Variants in SYNPO2 observed in about 807,000 individuals in gnomAD.
The protein encoded by SYNPO2 is synaptopodin 2, also known as synaptopodin-2.
SYNPO2 carries 56 observed loss-of-function variants against 85.0 expected under a neutral mutation model. The observed-to-expected ratio is 0.66, with a 90% CI of 0.53 to 0.82. SYNPO2 has a LOEUF of 0.82. Ranked by LOEUF, SYNPO2 falls within the 40% of genes least tolerant of loss-of-function variation. The pLI is 0.00. For missense variants in SYNPO2, 1,575 were observed against 1,534.2 expected, an observed-to-expected ratio of 1.03 and a Z score of -0.44; for synonymous variants, 602 against 591.1, an observed-to-expected ratio of 1.02 and a Z score of -0.27.
rs1387570618 is a variant in SYNPO2, at chr4:119,037,808, G to A, written c.3252+5781G>A. 2.0e-5 allele frequency: 5 copies of A among 244,000 alleles called. No homozygotes were observed. The East Asian group carries it at 5.4e-4, about 26-fold the overall frequency. The allele number at this position is 244,000 out of a possible 1,614,324, so 15.1% of individuals were successfully genotyped here. On this transcript the variant is annotated intron_variant, in intron 4 of 4. Transcript: ENST00000307142. ...TTTAATCAGCAGTCCTTGTGAGCTA[G>A]GTATGATCATTATCCCCATTTTATA... is the stretch of plus-strand genomic sequence containing the variant.
intron 4 of SYNPO2, among the ~76,000 whole-genome samples, chr4:119,046,181 T>A (rs1393743316): frequency 1.3e-5 from 2 of 152,122 alleles, no homozygotes; most frequent in African/African-American, 4.8e-5. Flanking sequence ...ATAGTAAAAG[T>A]TTTGTACATT....
At chr4:118,981,089 A>G (rs1363155545) in intron 1 of SYNPO2, among the ~76,000 whole-genome samples, 1 of 152,228 alleles carries the variant, frequency 6.6e-6, no homozygotes, top group African/African-American at 2.4e-5. Flanking sequence ...CTCTGTGCCC[A>G]AGAGCAGTTT....
chr4:118,926,976 A>G (rs1026675034), intron 1 of SYNPO2, among the ~76,000 whole-genome samples: 5 of 152,126 alleles, frequency 3.3e-5, no homozygotes, highest in Admixed American at 1.3e-4. Flanking sequence ...TTTACCCTCT[A>G]TTGGTCCCTG....
At chr4:118,917,926 C>G (rs1482463533) in intron 1 of SYNPO2, among the ~76,000 whole-genome samples, 1 of 151,816 alleles carries the variant, frequency 6.6e-6, no homozygotes, top group Non-Finnish European at 1.5e-5. Flanking sequence ...AGTAGCAGGC[C>G]CTATATACTA....
intron 1 of SYNPO2, among the ~76,000 whole-genome samples, chr4:118,855,229 AT>A (rs1257592428): frequency 2.6e-5 from 4 of 152,130 alleles, no homozygotes; most frequent in Admixed American, 2.6e-4. Flanking sequence ...CATTAAAAGA[AT>A]CTTTTGATAA....
At chr4:118,921,920 T>G (rs1358792657) in intron 1 of SYNPO2, among the ~76,000 whole-genome samples, 1 of 152,120 alleles carries the variant, frequency 6.6e-6, no homozygotes, top group Non-Finnish European at 1.5e-5. Flanking sequence ...GGCCCTAAAT[T>G]AATTACCTCA....
chr4:119,026,229 A>T (rs1371403361), intron 2 of SYNPO2, among the ~76,000 whole-genome samples: 1 of 152,208 alleles, frequency 6.6e-6, no homozygotes, highest in Non-Finnish European at 1.5e-5. Flanking sequence ...TGTTTATGTG[A>T]CTTCATAATG....
chr4:118,996,627 G>C (rs942546431), intron 1 of SYNPO2, among the ~76,000 whole-genome samples: 4 of 152,012 alleles, frequency 2.6e-5, no homozygotes, highest in African/African-American at 9.7e-5. Flanking sequence ...GGAGGCCAGT[G>C]GGGGTGGATC....
intron 1 of SYNPO2, among the ~76,000 whole-genome samples, chr4:119,013,818 G>T (rs1433708674): frequency 6.6e-6 from 1 of 152,162 alleles, no homozygotes; most frequent in African/African-American, 2.4e-5. Flanking sequence ...AATCACACAT[G>T]CATAAAAGAT....
At chr4:119,024,389 C>G (rs1015724775) in intron 2 of SYNPO2, among the ~76,000 whole-genome samples, 22 of 152,156 alleles carry the variant, frequency 1.4e-4, no homozygotes, top group African/African-American at 5.1e-4. Flanking sequence ...AGGAAGATGT[C>G]AGAGGACATC....
At chr4:119,007,227 T>TATATATATATATATAC (rs1737070340) in intron 1 of SYNPO2, among the ~76,000 whole-genome samples, 1 of 48,760 alleles carries the variant, frequency 2.1e-5, no homozygotes, top group African/African-American at 9.8e-5. Context: ...TATATATATA[T>TATATATATATATATAC]ATATATATAT....
In SYNPO2 at chr4:119,058,856, T is replaced by G. The variant is rs139696051; in HGVS notation, c.*922T>G. ...AAATGTGGGAGTTCTCAGAAAGAAA[T>G]AAACACATGAGAATAAGATTATTAC... On this transcript the variant is annotated 3_prime_UTR_variant, in exon 5 of 5. Transcript: ENST00000307142. 1.3e-5 allele frequency: 2 copies of G among 152,246 alleles called. No individual in the cohort carries two copies. The highest frequency in any genetic ancestry group is 1.9e-4 in the East Asian group (1 of 5,184). The allele number at this position is 152,246 out of a possible 1,614,324, so 9.4% of individuals were successfully genotyped here.
chr4:118,887,088 G>C (rs114729656), upstream of SYNPO2, among the ~76,000 whole-genome samples: 1 of 152,032 alleles, frequency 6.6e-6, no homozygotes, highest in African/African-American at 2.4e-5. Flanking sequence ...TTTTCTCCAG[G>C]TCCTCTGGTT....
chr4:118,992,189 A>T (rs1169234848), intron 1 of SYNPO2, among the ~76,000 whole-genome samples: 9 of 152,190 alleles, frequency 5.9e-5, no homozygotes, highest in African/African-American at 1.9e-4. Context: ...GCAAGACTCT[A>T]CACAGGTTTT....
At chr4:118,997,646 T>A (rs1736670063) in intron 1 of SYNPO2, among the ~76,000 whole-genome samples, 1 of 152,234 alleles carries the variant, frequency 6.6e-6, no homozygotes, top group African/African-American at 2.4e-5. Flanking sequence ...ATGCCTGCTC[T>A]GCTCACCTCT....
intron 4 of SYNPO2, chr4:119,035,407 T>G: frequency 2.0e-6 from 2 of 985,436 alleles, no homozygotes; most frequent in Non-Finnish European, 2.4e-6. Flanking sequence ...ACTTTAATCT[T>G]AGAATATTTA....
intron 1 of SYNPO2, among the ~76,000 whole-genome samples, chr4:118,977,475 G>A (rs1200924817): frequency 6.6e-6 from 1 of 152,238 alleles, no homozygotes; most frequent in Non-Finnish European, 1.5e-5. Flanking sequence ...TCCGGCCTTG[G>A]ACAGCCCAGA....
intron 1 of SYNPO2, among the ~76,000 whole-genome samples, chr4:118,867,386 TG>T (rs1313133267): frequency 6.6e-6 from 1 of 152,172 alleles, no homozygotes; most frequent in Admixed American, 6.5e-5. Context: ...GTGAGCCAAA[TG>T]CTGTGGTTAA....
intron 4 of SYNPO2, chr4:119,042,264 T>C (rs1160426137): frequency 7.5e-6 from 1 of 132,562 alleles, no homozygotes; most frequent in Non-Finnish European, 1.7e-5. Flanking sequence ...AAAGGGGGCC[T>C]TGAGACGTGA....
Sources: allele counts gnomAD v4.1 joint callset (sites outside exome capture counted in the v4.1 genomes callset), GRCh38; gene constraint gnomAD v4.1.1; transcripts MANE v1.5; gene names NCBI Gene and HGNC (gene_info 2026-07-23, HGNC 2026-07-21).